ACKR3: variants seen among roughly 807,000 people sequenced by gnomAD.
ACKR3 encodes C-X-C chemokine receptor type 7.
Under a neutral mutation model 22.4 loss-of-function variants are expected in ACKR3, and 6 were observed. That is an observed-to-expected ratio of 0.27 (90% CI 0.15 to 0.53). The LOEUF (loss-of-function observed/expected upper bound fraction) is 0.53, where lower values mean the gene tolerates loss of function less well. ACKR3 is among the 20% of genes least tolerant of loss of function. The pLI, the probability that ACKR3 is intolerant of heterozygous loss-of-function variation, is 0.96. For missense variants in ACKR3, 396 were observed against 475.2 expected, an observed-to-expected ratio of 0.83 and a Z score of 1.55; for synonymous variants, 209 against 205.2, an observed-to-expected ratio of 1.02 and a Z score of -0.16.
At chr2:236,541,257 C>T in the ACKR3 span, among the ~76,000 whole-genome samples, 1 of 152,166 alleles carries the variant, frequency 6.6e-6, no homozygotes, top group Non-Finnish European at 1.5e-5. Context: ...TCTACTTTTG[C>T]TCCAAAAATG....
At position 236,582,151 on chromosome 2, in the gene ACKR3, G is replaced by A. The variant is rs1691555885; in HGVS notation, c.*597G>A. On this transcript the variant is annotated 3_prime_UTR_variant, in exon 2 of 2. Coordinates refer to ENST00000272928, the MANE Select transcript of ACKR3 (RefSeq NM_020311.3). ...TACCATAGTTTTATATCTGTGTGGT[G>A]TTTTGTACCGGCACGGGATATGGAA... is the stretch of plus-strand genomic sequence containing the variant. The A allele has an allele frequency of 6.0e-6, 1 of 166,582 alleles. No individual in the cohort carries two copies. Among genetic ancestry groups the A allele is most frequent in the East Asian group, 1.9e-4 (1 of 5,198 alleles). 10.3% of individuals were successfully genotyped at this position (166,582 alleles called of 1,614,324 possible). A position where few individuals can be genotyped will look rare whatever the true frequency, so the allele number is the denominator to read the frequency against.
At position 236,574,188 on chromosome 2, in the gene ACKR3, C is replaced by T. The variant is rs988492872; in HGVS notation, c.-27+4264C>T. On this transcript the variant is annotated intron_variant, in intron 1 of 1. Coordinates refer to ENST00000272928, the MANE Select transcript of ACKR3 (RefSeq NM_020311.3). The surrounding 1 kb of genome is among the most constrained non-coding windows in gnomAD (Gnocchi z 5.6). ...GCCTCCTGGAACAAGAGGCTCAGTC[C>T]GTCAACACCAGCTCGGTGACGATTT... 6.6e-6 allele frequency among the ~76,000 whole-genome samples: 1 copy of T among 152,056 alleles called. No homozygotes were observed. The highest frequency in any genetic ancestry group is 1.5e-5 in the Non-Finnish European group (1 of 67,998).
At chr2:236,539,263 TC>T in the ACKR3 span, among the ~76,000 whole-genome samples, 77 of 150,892 alleles carry the variant, frequency 5.1e-4, no homozygotes, top group African/African-American at 1.7e-3. Flanking sequence ...TGTCTCTCTC[TC>T]TCTCTCTCTC....
At chr2:236,554,647 G>A in the ACKR3 span, among the ~76,000 whole-genome samples, 1 of 152,196 alleles carries the variant, frequency 6.6e-6, no homozygotes, top group Non-Finnish European at 1.5e-5. Flanking sequence ...TCTCATTAGA[G>A]GCACCCAGCG....
upstream of ACKR3, among the ~76,000 whole-genome samples, chr2:236,566,959 CTTCCTTCCTTCT>C (rs1574970357): frequency 2.0e-5 from 3 of 149,422 alleles, no homozygotes; most frequent in Admixed American, 1.3e-4. Flanking sequence ...GCCTTCCTTC[CTTCCTTCCTTCT>C]TTCCTTCCTT....
chr2:236,550,494 C>T, the ACKR3 span, among the ~76,000 whole-genome samples: 2 of 152,182 alleles, frequency 1.3e-5, no homozygotes, highest in African/African-American at 4.8e-5. The surrounding 1 kb of genome is among the most constrained non-coding windows in gnomAD (Gnocchi z 4.6). Flanking sequence ...GGATATCCAG[C>T]TTGTGAGATT....
At chr2:236,558,360 G>C in the ACKR3 span, among the ~76,000 whole-genome samples, 1 of 152,198 alleles carries the variant, frequency 6.6e-6, no homozygotes, top group South Asian at 2.1e-4. Flanking sequence ...TGTTGCCATG[G>C]CATTGGTAAA....
chr2:236,539,878 G>C, the ACKR3 span, among the ~76,000 whole-genome samples: 1 of 152,342 alleles, frequency 6.6e-6, no homozygotes, highest in Admixed American at 6.5e-5. Flanking sequence ...CAACAGGCAA[G>C]AGAGCATGTG....
At chr2:236,560,950 C>T in the ACKR3 span, among the ~76,000 whole-genome samples, 1 of 152,184 alleles carries the variant, frequency 6.6e-6, no homozygotes, top group Non-Finnish European at 1.5e-5. Context: ...GTGGTATATA[C>T]ATACAACAAA....
chr2:236,537,703 A>G, the ACKR3 span, among the ~76,000 whole-genome samples: 4 of 152,156 alleles, frequency 2.6e-5, no homozygotes, highest in Non-Finnish European at 5.9e-5. Context: ...CCTTTTTGCT[A>G]CTATTACTTA....
chr2:236,553,605 A>C, the ACKR3 span, among the ~76,000 whole-genome samples: 4 of 152,378 alleles, frequency 2.6e-5, no homozygotes, highest in South Asian at 4.1e-4. Flanking sequence ...AAGTCTGAGA[A>C]CCAAAAAGGA....
In ACKR3 at chr2:236,577,443, T is replaced by C. The variant is rs1472280698; in HGVS notation, c.-26-2997T>C. On this transcript the variant is annotated intron_variant, in intron 1 of 1. Coordinates refer to ENST00000272928, the MANE Select transcript of ACKR3 (RefSeq NM_020311.3). The surrounding 1 kb of genome is among the most constrained non-coding windows in gnomAD (Gnocchi z 5.6). Reference sequence around the variant, plus strand: ...GGGTCCCTGAGCCCTTTTCCACCTCTCAGTCCCACTCTGGGCTCTGAGAAT... The same window carrying C: ...GGGTCCCTGAGCCCTTTTCCACCTCCCAGTCCCACTCTGGGCTCTGAGAAT... Among the ~76,000 whole-genome samples, 1 of 152,180 alleles carries C rather than the reference T, an allele frequency of 6.6e-6. No homozygotes were observed. Among genetic ancestry groups the C allele is most frequent in the Non-Finnish European group, 1.5e-5 (1 of 68,034 alleles).
the ACKR3 span, among the ~76,000 whole-genome samples, chr2:236,554,027 C>T: frequency 3.3e-5 from 5 of 152,146 alleles, no homozygotes; most frequent in Non-Finnish European, 2.9e-5. Context: ...ACACAGTACA[C>T]CAGGAGTGAC....
chr2:236,571,403 T>C (rs943830254), intron 1 of ACKR3, among the ~76,000 whole-genome samples: 2 of 152,156 alleles, frequency 1.3e-5, no homozygotes, highest in African/African-American at 4.8e-5. Flanking sequence ...GGCTGCAGTT[T>C]GCTGCCCATC....
In ACKR3 at chr2:236,581,643, T is replaced by C. The variant is rs1175612896; in HGVS notation, c.*89T>C. 1 of 1,499,252 alleles carries C rather than the reference T, an allele frequency of 6.7e-7. No homozygotes were observed. The highest frequency in any genetic ancestry group is 2.3e-5 in the East Asian group (1 of 43,802). The allele number at this position is 1,499,252 out of a possible 1,614,324, so 92.9% of individuals were successfully genotyped here. A position where few individuals can be genotyped will look rare whatever the true frequency, so the allele number is the denominator to read the frequency against. ...TTTTCTAGAGCAAAGCAAAGTAGCT[T>C]CGGGTCTTGATGCTTGAGTAGAGTG... On this transcript the variant is annotated 3_prime_UTR_variant, in exon 2 of 2. Transcript: ENST00000272928. This position sits in a 1 kb window ranked among gnomAD's most constrained non-coding sequence, Gnocchi z 4.4.
At chr2:236,543,113 C>T in the ACKR3 span, among the ~76,000 whole-genome samples, 2 of 152,174 alleles carry the variant, frequency 1.3e-5, no homozygotes, top group Non-Finnish European at 2.9e-5. Flanking sequence ...AGGTGAGGTG[C>T]TACTTGGACA....
upstream of ACKR3, among the ~76,000 whole-genome samples, chr2:236,564,119 C>G (rs1215378166): frequency 6.6e-6 from 1 of 151,914 alleles, no homozygotes; most frequent in Admixed American, 6.5e-5. Context: ...CAAAAACCCC[C>G]TCTCGGGAAA....
the ACKR3 span, among the ~76,000 whole-genome samples, chr2:236,543,685 A>C: frequency 6.6e-6 from 1 of 151,878 alleles, no homozygotes; most frequent in Admixed American, 6.6e-5. Context: ...CGCACATTTT[A>C]ATGGAGTCAC....
chr2:236,561,959 A>C, the ACKR3 span, among the ~76,000 whole-genome samples: 3 of 152,182 alleles, frequency 2.0e-5, no homozygotes, highest in Non-Finnish European at 4.4e-5. Flanking sequence ...TATGGCTTTT[A>C]TTTCTTTTCT....
Sources: allele counts gnomAD v4.1 joint callset (sites outside exome capture counted in the v4.1 genomes callset), GRCh38; gene constraint gnomAD v4.1.1; non-coding constraint Gnocchi (gnomAD v3.1); transcripts MANE v1.5; gene names NCBI Gene and HGNC (gene_info 2026-07-23, HGNC 2026-07-21).